The following SPTLC3 variants were observed in gnomAD, a reference collection of about 807,000 sequenced individuals.
SPTLC3 encodes serine palmitoyltransferase long chain base subunit 3.
Under a neutral mutation model 59.3 loss-of-function variants are expected in SPTLC3, and 36 were observed. The observed-to-expected ratio is 0.61, with a 90% CI of 0.47 to 0.80. The LOEUF is 0.80. SPTLC3 is among the 30% of genes least tolerant of loss of function. The pLI, the probability that SPTLC3 is intolerant of heterozygous loss-of-function variation, is 0.00. For missense variants in SPTLC3, 625 were observed against 685.1 expected (o/e 0.91, Z 0.98); for synonymous variants, 257 against 240.8 (o/e 1.07, Z -0.62).
chr20:13,147,930 C>A (rs1374971954), intron 9 of SPTLC3, among the ~76,000 whole-genome samples: 1 of 152,168 alleles, frequency 6.6e-6, no homozygotes, highest in East Asian at 1.9e-4. Flanking sequence ...AACGAGATTG[C>A]AAAGTCTGCA....
intron 9 of SPTLC3, among the ~76,000 whole-genome samples, chr20:13,140,614 G>T (rs1455782515): frequency 6.6e-6 from 1 of 151,978 alleles, no homozygotes; most frequent in Non-Finnish European, 1.5e-5. Flanking sequence ...GTTCACACCA[G>T]ATAATTCATT....
chr20:13,128,179 C>A (rs2038037876), intron 9 of SPTLC3, among the ~76,000 whole-genome samples: 1 of 152,174 alleles, frequency 6.6e-6, no homozygotes, highest in African/African-American at 2.4e-5. Flanking sequence ...TAATTGCTTG[C>A]TACTATTATT....
intron 2 of SPTLC3, among the ~76,000 whole-genome samples, chr20:13,069,197 G>A (rs567194685): frequency 6.6e-6 from 1 of 152,234 alleles, no homozygotes; most frequent in South Asian, 2.1e-4. Flanking sequence ...TGTCATCACT[G>A]GTGTTTTGGA....
intron 10 of SPTLC3, among the ~76,000 whole-genome samples, chr20:13,156,846 A>T (rs1391637351): frequency 6.6e-6 from 1 of 152,232 alleles, no homozygotes; most frequent in African/African-American, 2.4e-5. Flanking sequence ...CCACGGTTGC[A>T]TGGCTCTCCA....
At chr20:13,060,996 T>A (rs1987951059) in intron 2 of SPTLC3, among the ~76,000 whole-genome samples, 1 of 152,234 alleles carries the variant, frequency 6.6e-6, no homozygotes, top group Non-Finnish European at 1.5e-5. Flanking sequence ...CTGGATCAAA[T>A]GGTAATTCTA....
chr20:13,095,645 C>T (rs910761361), intron 6 of SPTLC3, among the ~76,000 whole-genome samples: 1 of 152,082 alleles, frequency 6.6e-6, no homozygotes, highest in Non-Finnish European at 1.5e-5. Flanking sequence ...GGCCAAAACA[C>T]CTGCATTTTT....
intron 10 of SPTLC3, 117 bp from the exon 11 acceptor site, chr20:13,159,886 T>TAGAAAAG: frequency 7.3e-7 from 1 of 1,363,440 alleles, no homozygotes; most frequent in Non-Finnish European, 9.8e-7. Context: ...CTTATTATCA[T>TAGAAAAG]AAAAAAGAAA....
chr20:13,107,130 A>G (rs182431651), intron 6 of SPTLC3, among the ~76,000 whole-genome samples: 1 of 152,278 alleles, frequency 6.6e-6, no homozygotes, highest in Admixed American at 6.5e-5. Context: ...TGGGTTCCAG[A>G]CCCCAGGGAT....
chr20:13,054,163 A>G (rs6033600), intron 2 of SPTLC3, among the ~76,000 whole-genome samples: 132,636 of 152,100 alleles, frequency 0.87, 57,890 homozygotes, highest in East Asian at 0.92. Flanking sequence ...AAAGCATTGT[A>G]CATTCAAGGA....
At chr20:13,029,040 A>G (rs6033576) in intron 1 of SPTLC3, among the ~76,000 whole-genome samples, 15,629 of 152,220 alleles carry the variant, frequency 0.1, 945 homozygotes, top group African/African-American at 0.17. Flanking sequence ...ACAAACTCCG[A>G]AGGAGCCCTT....
At position 13,164,809 on chromosome 20, in the gene SPTLC3, A is replaced by C; in HGVS notation, c.1601A>C (p.His534Pro). Residue 534 changes from histidine (H) to proline (P), a missense_variant, in exon 12 of 12, where the codon CAC becomes CCC. By Grantham distance (77) the His-to-Pro change is moderately conservative. Coordinates refer to ENST00000399002, the MANE Select transcript of SPTLC3 (RefSeq NM_018327.4). ...CTCTTGCAACTGAAATATTCCCGGC[A>C]CAAGAAGTCAGCACGTCCTGAGCTC... is the stretch of plus-strand genomic sequence containing the variant. ...GDLLQLKYSR[H>P]KKSARPELYD... 6.2e-7 allele frequency: 1 copy of C among 1,613,914 alleles called. No homozygotes were observed. Among genetic ancestry groups the C allele is most frequent in the Non-Finnish European group, 8.5e-7 (1 of 1,179,894 alleles).
At chr20:13,086,230 G>A (rs1989000894) in intron 4 of SPTLC3, among the ~76,000 whole-genome samples, 1 of 152,172 alleles carries the variant, frequency 6.6e-6, no homozygotes, top group Non-Finnish European at 1.5e-5. Flanking sequence ...TCAGGGTATG[G>A]CCTGAATCAA....
intron 4 of SPTLC3, among the ~76,000 whole-genome samples, chr20:13,086,866 T>C (rs577901836): frequency 4.6e-5 from 7 of 152,256 alleles, no homozygotes; most frequent in African/African-American, 1.4e-4. Context: ...TGATCATAGC[T>C]CACTTCAGCC....
chr20:13,044,861 A>AACCC (rs1987158897), intron 1 of SPTLC3, among the ~76,000 whole-genome samples: 1 of 152,104 alleles, frequency 6.6e-6, no homozygotes, highest in Non-Finnish European at 1.5e-5. Flanking sequence ...TATGCTCGAC[A>AACCC]ACCCAGCAAC....
chr20:13,044,483 C>G (rs1388025522), intron 1 of SPTLC3, among the ~76,000 whole-genome samples: 2 of 152,014 alleles, frequency 1.3e-5, no homozygotes, highest in African/African-American at 2.4e-5. Context: ...ACTCTCAGTC[C>G]CTTTTGCTAG....
chr20:13,123,655 T>G (rs1449858844), intron 8 of SPTLC3, among the ~76,000 whole-genome samples: 1 of 152,166 alleles, frequency 6.6e-6, no homozygotes, highest in East Asian at 1.9e-4. Flanking sequence ...GGCTTCTCCC[T>G]CTCTTCCCAA....
At chr20:13,155,848 T>A (rs1314204537) in intron 10 of SPTLC3, among the ~76,000 whole-genome samples, 42 of 152,102 alleles carry the variant, frequency 2.8e-4, no homozygotes, top group Admixed American at 2.7e-3. Context: ...TAATAATAAG[T>A]TTTTTAGCAT....
intron 9 of SPTLC3, among the ~76,000 whole-genome samples, chr20:13,148,877 AT>A (rs769893777): frequency 7.2e-5 from 11 of 152,216 alleles, no homozygotes; most frequent in Non-Finnish European, 1.3e-4. Context: ...GAAAATGGCA[AT>A]TCCCCTTTCA....
intron 2 of SPTLC3, among the ~76,000 whole-genome samples, chr20:13,054,179 G>A (rs1051617654): frequency 1.3e-5 from 2 of 152,186 alleles, no homozygotes; most frequent in African/African-American, 2.4e-5. Context: ...AAGGAACCAC[G>A]GAATTCCAAT....
Sources: allele counts gnomAD v4.1 joint callset (sites outside exome capture counted in the v4.1 genomes callset), GRCh38; gene constraint gnomAD v4.1.1; transcripts MANE v1.5; gene names NCBI Gene and HGNC (gene_info 2026-07-23, HGNC 2026-07-21).